Variants in PDCL2 observed in about 807,000 individuals in gnomAD.
The protein encoded by PDCL2 is phosducin-like protein 2.
Under a neutral mutation model 30.3 loss-of-function variants are expected in PDCL2, and 23 were observed. That is an observed-to-expected ratio of 0.76 (90% CI 0.55 to 1.08). The LOEUF is 1.08. Among genes scored for constraint, PDCL2 ranks in the 50% least tolerant of loss-of-function variants. The pLI is 0.00. For synonymous variants in PDCL2, 68 were observed against 86.2 expected (o/e 0.79, Z 1.17); for missense variants, 243 against 282.3 (o/e 0.86, Z 1.00).
intron 1 of PDCL2, among the ~76,000 whole-genome samples, chr4:55,585,998 A>G (rs1381896161): frequency 6.6e-6 from 1 of 151,854 alleles, no homozygotes; most frequent in Non-Finnish European, 1.5e-5. Flanking sequence ...GATTTTTTCT[A>G]TTGTTTTTCT....
chr4:55,573,148 T>A (rs952128065), intron 3 of PDCL2, among the ~76,000 whole-genome samples: 3 of 152,142 alleles, frequency 2.0e-5, no homozygotes, highest in Admixed American at 2.0e-4. Context: ...TGCAATAAAG[T>A]CTGAGAAATA....
chr4:55,580,078 C>T (rs1577915617), intron 3 of PDCL2, among the ~76,000 whole-genome samples: 2 of 152,182 alleles, frequency 1.3e-5, no homozygotes, highest in Admixed American at 1.3e-4. Flanking sequence ...AACTCCCGAC[C>T]TCAGGTGATC....
chr4:55,574,047 T>C (rs2110160838), intron 3 of PDCL2, among the ~76,000 whole-genome samples: 1 of 152,208 alleles, frequency 6.6e-6, no homozygotes, highest in Non-Finnish European at 1.5e-5. Context: ...AAAAATATTT[T>C]CTTGCTGTTT....
At chr4:55,571,889 A>C (rs995001329) in intron 3 of PDCL2, among the ~76,000 whole-genome samples, 10 of 151,682 alleles carry the variant, frequency 6.6e-5, no homozygotes, top group African/African-American at 2.4e-4. Context: ...TTTGGAACCT[A>C]GAGTTACTCC....
chr4:55,584,438 G>A (rs1732809481), intron 1 of PDCL2, among the ~76,000 whole-genome samples: 1 of 152,010 alleles, frequency 6.6e-6, no homozygotes, highest in South Asian at 2.1e-4. Context: ...TGTATTTTTA[G>A]TAGAGATGAG....
chr4:55,585,980 ATTTTCTTGATT>A (rs1415166698), intron 1 of PDCL2, among the ~76,000 whole-genome samples: 7 of 151,758 alleles, frequency 4.6e-5, no homozygotes, highest in Non-Finnish European at 1.0e-4. Flanking sequence ...AAAACCAAAG[ATTTTCTTGATT>A]TTTTCTATTG....
chr4:55,562,590 T>C lies in PDCL2; in HGVS notation c.385A>G (p.Asn129Asp). Residue 129 changes from asparagine (N) to aspartate (D), a missense_variant, in exon 5 of 6, where the codon AAC becomes GAC. Transcript: ENST00000295645. Reference protein sequence around the residue: ...RSSIPMCLLVNQHLSLLARKF... With the variant: ...RSSIPMCLLVDQHLSLLARKF... ...CTTGCTAGAAGACTAAGATGCTGGT[T>C]AACCAACAAACACATTGGGATGCTA... The C allele has an allele frequency of 1.3e-6, 2 of 1,595,648 alleles. No homozygotes were observed. The highest frequency in any genetic ancestry group is 1.7e-6 in the Non-Finnish European group (2 of 1,172,382).
chr4:55,577,055 A>C (rs1192657060), intron 3 of PDCL2, among the ~76,000 whole-genome samples: 1 of 152,018 alleles, frequency 6.6e-6, no homozygotes, highest in African/African-American at 2.4e-5. Flanking sequence ...AGGCCACTAC[A>C]CCCAACTAAT....
intron 2 of PDCL2, among the ~76,000 whole-genome samples, chr4:55,581,332 T>TA (rs1391042991): frequency 1.3e-5 from 2 of 151,802 alleles, no homozygotes; most frequent in Non-Finnish European, 2.9e-5. Flanking sequence ...TAAACAAACA[T>TA]AAAGCAGCCA....
chr4:55,591,261 C>A (rs986577942), intron 1 of PDCL2, among the ~76,000 whole-genome samples: 1 of 151,526 alleles, frequency 6.6e-6, no homozygotes, highest in Middle Eastern at 3.4e-3. Flanking sequence ...AAAGGTGTTT[C>A]TGTAAGTTAG....
At chr4:55,585,973 A>G (rs1017037401) in intron 1 of PDCL2, among the ~76,000 whole-genome samples, 3 of 152,120 alleles carry the variant, frequency 2.0e-5, no homozygotes, top group Admixed American at 1.3e-4. Context: ...TTTTCAAAAA[A>G]CCAAAGATTT....
At chr4:55,585,524 T>TCACACA (rs71192022) in intron 1 of PDCL2, among the ~76,000 whole-genome samples, 314 of 150,434 alleles carry the variant, frequency 2.1e-3, no homozygotes, top group Non-Finnish European at 3.3e-3. Context: ...TGAGATACTG[T>TCACACA]CACACACACA....
chr4:55,578,058 C>T (rs994469710), intron 3 of PDCL2, among the ~76,000 whole-genome samples: 18 of 152,128 alleles, frequency 1.2e-4, no homozygotes, highest in Non-Finnish European at 2.2e-4. Flanking sequence ...TTAAGGTCTT[C>T]TCAGGTATTT....
chr4:55,582,065 T>C, intron 2 of PDCL2, 52 bp downstream of exon 2: 7 of 1,597,858 alleles, frequency 4.4e-6, no homozygotes, highest in Non-Finnish European at 6.0e-6. Flanking sequence ...ACCTTAGTAC[T>C]AACTTAACTG....
intron 5 of PDCL2, among the ~76,000 whole-genome samples, chr4:55,560,100 G>A (rs1321768599): frequency 2.0e-5 from 3 of 148,320 alleles, no homozygotes; most frequent in Non-Finnish European, 4.5e-5. Flanking sequence ...CTTAAAAATA[G>A]TTAAGATGGT....
chr4:55,578,792 C>T lies in PDCL2; in HGVS notation c.218+2029G>A, dbSNP rs145071821. Among the ~76,000 whole-genome samples the T allele has an allele frequency of 1.2e-3, 176 of 152,220 alleles. 1 individual carries two copies. Among genetic ancestry groups the T allele is most frequent in the Admixed American group, 2.7e-3 (42 of 15,288 alleles). On this transcript the variant is annotated intron_variant, in intron 3 of 5. Coordinates refer to ENST00000295645, the MANE Select transcript of PDCL2 (RefSeq NM_152401.3). Reference sequence around the variant, plus strand: ...GCCTAAGATAGTATCTGCCTATAAACTTACTATTTCCTCCTTTATAATTAC... The same window carrying T: ...GCCTAAGATAGTATCTGCCTATAAATTTACTATTTCCTCCTTTATAATTAC...
intron 4 of PDCL2, among the ~76,000 whole-genome samples, chr4:55,569,175 G>A (rs1732357068): frequency 6.6e-6 from 1 of 151,940 alleles, no homozygotes; most frequent in Non-Finnish European, 1.5e-5. Context: ...CAACTTGCAG[G>A]GCCCCAGCCA....
intron 1 of PDCL2, among the ~76,000 whole-genome samples, chr4:55,583,905 T>G (rs370553461): frequency 6.6e-6 from 1 of 152,224 alleles, no homozygotes; most frequent in Non-Finnish European, 1.5e-5. Flanking sequence ...TGTAGTGCCA[T>G]ATGGATTTTA....
intron 3 of PDCL2, among the ~76,000 whole-genome samples, chr4:55,579,251 C>T (rs1025634963): frequency 2.6e-5 from 4 of 151,910 alleles, no homozygotes; most frequent in African/African-American, 4.8e-5. Flanking sequence ...ACTTTCCTAA[C>T]ACACACCGTG....
Sources: gnomAD v4.1 joint callset for allele counts (sites outside exome capture counted in the v4.1 genomes callset) on GRCh38, gnomAD v4.1.1 for gene constraint, MANE v1.5 for transcripts, NCBI Gene and HGNC (gene_info 2026-07-23, HGNC 2026-07-21) for gene names.